GRIK4: variants seen among roughly 807,000 people sequenced by gnomAD.
GRIK4 encodes glutamate ionotropic receptor kainate type subunit 4.
Under a neutral mutation model 104.9 loss-of-function variants are expected in GRIK4, and 40 were observed. That is an observed-to-expected ratio of 0.38 (90% CI 0.30 to 0.50). The LOEUF is 0.50. Ranked by LOEUF, GRIK4 falls within the 20% of genes least tolerant of loss-of-function variation. The probability of loss-of-function intolerance (pLI) is 0.93; values close to 1 mark genes in which losing one functional copy is unlikely to be tolerated. For missense variants in GRIK4, 1,047 were observed against 1,308.1 expected, an observed-to-expected ratio of 0.80 and a Z score of 3.08; for synonymous variants, 485 against 524.9, an observed-to-expected ratio of 0.92 and a Z score of 1.04.
chr11:120,621,415 G>A (rs1485247592), intron 1 of GRIK4, among the ~76,000 whole-genome samples: 1 of 152,180 alleles, frequency 6.6e-6, no homozygotes, highest in East Asian at 1.9e-4. Flanking sequence ...CTTGTTTAGT[G>A]CAAGGAAACT....
intron 1 of GRIK4, among the ~76,000 whole-genome samples, chr11:120,641,916 T>TC: frequency 6.6e-6 from 1 of 152,224 alleles, no homozygotes; most frequent in Non-Finnish European, 1.5e-5. Context: ...TTTGGCTGAT[T>TC]CCAACATTGT....
At chr11:120,670,541 C>T (rs1949997468) in intron 3 of GRIK4, among the ~76,000 whole-genome samples, 1 of 152,228 alleles carries the variant, frequency 6.6e-6, no homozygotes, top group African/African-American at 2.4e-5. Context: ...TGTGCTCCTG[C>T]CCCAGGGCCT....
intron 3 of GRIK4, among the ~76,000 whole-genome samples, chr11:120,697,807 A>G (rs1950478338): frequency 6.6e-6 from 1 of 152,100 alleles, no homozygotes; most frequent in African/African-American, 2.4e-5. Flanking sequence ...TGGGGCTGTC[A>G]AGGCAGGGCT....
intron 3 of GRIK4, among the ~76,000 whole-genome samples, chr11:120,711,238 G>A (rs1337426196): frequency 6.6e-6 from 1 of 152,176 alleles, no homozygotes; most frequent in Non-Finnish European, 1.5e-5. Context: ...TCCTTTTAAG[G>A]GCAACAGTGG....
At chr11:120,975,020 C>T (rs1944538170) in intron 19 of GRIK4, among the ~76,000 whole-genome samples, 2 of 152,162 alleles carry the variant, frequency 1.3e-5, no homozygotes, top group South Asian at 2.1e-4. Flanking sequence ...AAAAGGTGGT[C>T]GGTGAACTCC....
chr11:120,615,547 CT>C (rs1770712600), intron 1 of GRIK4, among the ~76,000 whole-genome samples: 2 of 152,202 alleles, frequency 1.3e-5, no homozygotes. Flanking sequence ...GCTGCCCGGG[CT>C]CTGGCTCTCT....
At chr11:120,788,839 T>A (rs1161867802) in intron 3 of GRIK4, among the ~76,000 whole-genome samples, 3 of 150,754 alleles carry the variant, frequency 2.0e-5, no homozygotes, top group Non-Finnish European at 4.4e-5. Flanking sequence ...GCTGCTTGGC[T>A]CTCTCCATTC....
Position 120,903,557 on chromosome 11 carries a change from G to A in GRIK4, c.1273-1733G>A, listed in dbSNP as rs981697752. 2.6e-5 allele frequency among the ~76,000 whole-genome samples: 4 copies of A among 152,010 alleles called. No individual in the cohort carries two copies. Among genetic ancestry groups the A allele is most frequent in the African/African-American group, 7.3e-5 (3 of 41,376 alleles). ...TTCCAGGGATTTTCCCTTCCTGCCT[G>A]TAAATACACCCTGGACTGTCCCATC... On this transcript the variant is annotated intron_variant, in intron 12 of 20. Transcript: ENST00000527524. This position sits in a 1 kb window ranked among gnomAD's most constrained non-coding sequence, Gnocchi z 4.4.
At chr11:120,660,862 C>G (rs1209335563) in intron 3 of GRIK4, among the ~76,000 whole-genome samples, 3 of 152,072 alleles carry the variant, frequency 2.0e-5, no homozygotes, top group Admixed American at 1.3e-4. Flanking sequence ...TTGGAAGGGC[C>G]CTTGACATTG....
chr11:120,657,911 A>C (rs562291489), intron 2 of GRIK4, among the ~76,000 whole-genome samples: 2 of 152,342 alleles, frequency 1.3e-5, no homozygotes, highest in Admixed American at 1.3e-4. Flanking sequence ...ACACCTCTGC[A>C]AGCAACACTC....
chr11:120,812,757 C>T (rs1021161113), intron 4 of GRIK4, among the ~76,000 whole-genome samples: 1 of 152,186 alleles, frequency 6.6e-6, no homozygotes, highest in Non-Finnish European at 1.5e-5. Context: ...CCTGTGGCAA[C>T]GTCCAGCAGG....
rs1033141693 is a variant in GRIK4 at position 120,521,340 on chromosome 11, G to A, written c.-159+9453G>A. 3.9e-5 allele frequency among the ~76,000 whole-genome samples: 6 copies of A among 152,082 alleles called. No individual in the cohort carries two copies. The East Asian group carries it at 1.2e-3, about 29-fold the overall frequency. ...CCTCATCTTGGCCTCCAAAAGTGCT[G>A]GGATTACAGGTGTGCGCCACCACGC... is the stretch of plus-strand genomic sequence containing the variant. On this transcript the variant is annotated intron_variant, in intron 1 of 20. Coordinates refer to ENST00000527524, the MANE Select transcript of GRIK4 (RefSeq NM_014619.5).
chr11:120,702,147 G>C (rs2135335455), intron 3 of GRIK4, among the ~76,000 whole-genome samples: 1 of 152,178 alleles, frequency 6.6e-6, no homozygotes, highest in Middle Eastern at 3.4e-3. Flanking sequence ...GTAGAGATGG[G>C]GTTTCACCAT....
intron 11 of GRIK4, among the ~76,000 whole-genome samples, chr11:120,892,692 T>C (rs1176179149): frequency 6.6e-6 from 1 of 152,178 alleles, no homozygotes; most frequent in African/African-American, 2.4e-5. Context: ...CTTGCTTATA[T>C]TGACCTGGGG....
intron 11 of GRIK4, among the ~76,000 whole-genome samples, chr11:120,893,734 C>G (rs916308263): frequency 6.6e-6 from 1 of 152,224 alleles, no homozygotes. Context: ...TTTAAATCAG[C>G]CATAGCGGGT....
rs536920766 is a variant in GRIK4 at position 120,815,494 on chromosome 11, T to C, written c.345+19T>C. ...GAAGGAGGTGAGTGTGAGGCAGGGC[T>C]GGGGAATATCTGTGTGCTGGAGCCT... On this transcript the variant is annotated intron_variant, in intron 5 of 20. Coordinates refer to ENST00000527524, the MANE Select transcript of GRIK4 (RefSeq NM_014619.5). 4.9e-6 allele frequency: 7 copies of C among 1,423,456 alleles called. No homozygotes were observed. In the East Asian group the frequency reaches 1.3e-4, roughly 26 times the overall value. The allele number at this position is 1,423,456 out of a possible 1,614,324, so 88.2% of individuals were successfully genotyped here.
rs577119834 is a variant in GRIK4 at position 120,634,231 on chromosome 11, C to T, written c.-158-19454C>T. Among the ~76,000 whole-genome samples, 298 of 152,260 alleles carry T rather than the reference C, an allele frequency of 2.0e-3. 1 individual carries two copies. Among genetic ancestry groups the T allele is most frequent in the African/African-American group, 6.7e-3 (279 of 41,542 alleles). ...GCCTCTGGTGCCCTGTGTTTCCTGA[C>T]GCACTCTCTCTGTCACTCTAGCCTT... On this transcript the variant is annotated intron_variant, in intron 1 of 20. Coordinates refer to ENST00000527524, the MANE Select transcript of GRIK4 (RefSeq NM_014619.5).
chr11:120,881,869 G>T (rs150543235), intron 11 of GRIK4, among the ~76,000 whole-genome samples: 1 of 152,208 alleles, frequency 6.6e-6, no homozygotes, highest in South Asian at 2.1e-4. Context: ...ATTTCTTATC[G>T]TGGCCCTGTG....
At chr11:120,793,428 C>G (rs1952441652) in intron 3 of GRIK4, among the ~76,000 whole-genome samples, 1 of 152,062 alleles carries the variant, frequency 6.6e-6, no homozygotes, top group African/African-American at 2.4e-5. Context: ...AGAAGGAGGC[C>G]TGGTGAGGCA....
Sources: gnomAD v4.1 joint callset for allele counts (sites outside exome capture counted in the v4.1 genomes callset) on GRCh38, gnomAD v4.1.1 for gene constraint, Gnocchi (gnomAD v3.1) non-coding constraint, MANE v1.5 for transcripts, NCBI Gene and HGNC (gene_info 2026-07-23, HGNC 2026-07-21) for gene names.